GRIA2: variants seen among roughly 807,000 people sequenced by gnomAD.
GRIA2 encodes glutamate ionotropic receptor AMPA type subunit 2, also known as glutamate receptor 2.
Under a neutral mutation model 97.3 loss-of-function variants are expected in GRIA2, and 14 were observed. That is an observed-to-expected ratio of 0.14 (90% CI 0.10 to 0.23). The LOEUF is 0.23. GRIA2 is among the 10% of genes least tolerant of loss of function. The pLI, the probability that GRIA2 is intolerant of heterozygous loss-of-function variation, is 1.00. For missense variants in GRIA2, 558 were observed against 1,069.8 expected (o/e 0.52, Z 6.67); for synonymous variants, 412 against 387.8 (o/e 1.06, Z -0.73).
chr4:157,312,827 T>C lies in GRIA2; in HGVS notation c.618T>C (p.Arg206=), dbSNP rs1296697849. 6.2e-7 allele frequency: 1 copy of C among 1,612,134 alleles called. No individual in the cohort carries two copies. Among genetic ancestry groups the C allele is most frequent in the Admixed American group, 1.7e-5 (1 of 59,898 alleles). Reference sequence around the variant, plus strand: ...ATCTGGAGTTAAAAAAGGAACGGCGTGTAATTCTGGACTGTGAAAGGGATA... The same window carrying C: ...ATCTGGAGTTAAAAAAGGAACGGCGCGTAATTCTGGACTGTGAAAGGGATA... ...FQDLELKKER[R]VILDCERDKV... Residue 206 remains arginine (R), a synonymous_variant, in exon 4 of 16, where the codon CGT becomes CGC. Transcript: ENST00000264426.
intron 2 of GRIA2, among the ~76,000 whole-genome samples, chr4:157,239,459 C>G (rs1278555630): frequency 6.6e-6 from 1 of 151,936 alleles, no homozygotes; most frequent in Non-Finnish European, 1.5e-5. Context: ...AAGAACTTGC[C>G]TCTGCCAATT....
At position 157,362,947 on chromosome 4, in the gene GRIA2, C is replaced by A; in HGVS notation, c.2555C>A (p.Ala852Glu). ...EAKRMKVAKNAQNINPSSSQN... is the reference protein window; with the variant it reads ...EAKRMKVAKNEQNINPSSSQN... ...AAACGAATGAAGGTGGCAAAGAATG[C>A]ACAGAATATTAACCCATCTTCCTCG... Residue 852 changes from alanine (A) to glutamate (E), a missense_variant, in exon 15 of 16, where the codon GCA (alanine) becomes GAA (glutamate). Around this residue, in one of 8 missense-constraint regions of GRIA2, gnomAD observed 54 missense variants for 82.1 expected, o/e 0.66. Transcript: ENST00000264426. 1 of 1,613,510 alleles carries A rather than the reference C, an allele frequency of 6.2e-7. No homozygotes were observed. Among genetic ancestry groups the A allele is most frequent in the South Asian group, 1.1e-5 (1 of 91,072 alleles).
chr4:157,247,568 C>T (rs551086481), intron 2 of GRIA2, among the ~76,000 whole-genome samples: 1 of 152,084 alleles, frequency 6.6e-6, no homozygotes, highest in Non-Finnish European at 1.5e-5. Context: ...TCACATTATT[C>T]CAGGACTGAG....
rs899746766 is a variant in GRIA2, at chr4:157,237,169, C to T, written c.229+15362C>T. 4.0e-5 allele frequency among the ~76,000 whole-genome samples: 6 copies of T among 151,866 alleles called. No homozygotes were observed. The East Asian group carries it at 1.2e-3, about 29-fold the overall frequency. ...GTTTCCAGATAAATCATTGAATCAT[C>T]TGGCTTTATGTGATTAACAAAACCT... On this transcript the variant is annotated intron_variant, in intron 2 of 15. Coordinates refer to ENST00000264426, the MANE Select transcript of GRIA2 (RefSeq NM_001083619.3).
Position 157,269,285 on chromosome 4 carries a change from G to A in GRIA2, c.230-34267G>A, listed in dbSNP as rs1007711153. 3.3e-5 allele frequency among the ~76,000 whole-genome samples: 5 copies of A among 151,918 alleles called. 1 individual carries two copies. The highest frequency in any genetic ancestry group is 1.3e-4 in the Admixed American group (2 of 15,228). ...TGGAGGAAAGAGAAAGATGAAACCC[G>A]AAAACACTGGAATGACCTACCTATG... is the stretch of plus-strand genomic sequence containing the variant. On this transcript the variant is annotated intron_variant, in intron 2 of 15. Coordinates refer to ENST00000264426, the MANE Select transcript of GRIA2 (RefSeq NM_001083619.3).
chr4:157,315,671 T>C (rs994168467), intron 4 of GRIA2, among the ~76,000 whole-genome samples: 4 of 152,034 alleles, frequency 2.6e-5, no homozygotes, highest in African/African-American at 9.7e-5. Context: ...GCCTCCTGAG[T>C]AGCTGGGATT....
At chr4:157,275,767 T>A (rs1202612457) in intron 2 of GRIA2, among the ~76,000 whole-genome samples, 1 of 152,088 alleles carries the variant, frequency 6.6e-6, no homozygotes, top group East Asian at 1.9e-4. Context: ...TTTTTGTTAC[T>A]GTAGCCTTGT....
At chr4:157,221,273 GT>G in intron 1 of GRIA2, 143 bp downstream of exon 1, 2 of 634,680 alleles carry the variant, frequency 3.2e-6, no homozygotes, top group Non-Finnish European at 5.6e-6. Flanking sequence ...GAATATACAT[GT>G]TTTTCTTAGG....
chr4:157,360,254 A>T, intron 13 of GRIA2, 111 bp downstream of exon 13: 1 of 1,089,726 alleles, frequency 9.2e-7, no homozygotes, highest in Non-Finnish European at 1.3e-6. Context: ...GTAACTCACC[A>T]TCACAAAAAT....
chr4:157,323,924 T>G (rs1200041381), intron 6 of GRIA2, among the ~76,000 whole-genome samples: 4 of 152,150 alleles, frequency 2.6e-5, no homozygotes, highest in Non-Finnish European at 5.9e-5. Context: ...TCATTATGCT[T>G]CTTCACGGTG....
intron 12 of GRIA2, among the ~76,000 whole-genome samples, chr4:157,355,557 G>A (rs1274227109): frequency 7.3e-6 from 1 of 137,092 alleles, no homozygotes; most frequent in African/African-American, 2.8e-5. Flanking sequence ...GTCTTCCTTG[G>A]CTTAGCTGTA....
At chr4:157,346,215 C>A (rs1579381031) in intron 12 of GRIA2, among the ~76,000 whole-genome samples, 1 of 151,884 alleles carries the variant, frequency 6.6e-6, no homozygotes. Context: ...AAAGTAATTG[C>A]AAATAAAAAT....
chr4:157,334,320 G>A, intron 9 of GRIA2, 200 bp downstream of exon 9: 1 of 505,990 alleles, frequency 2.0e-6, no homozygotes, highest in Non-Finnish European at 3.6e-6. Flanking sequence ...TTTTCTTTAA[G>A]GAACGCTACA....
At chr4:157,301,181 A>C (rs1330045723) in intron 2 of GRIA2, among the ~76,000 whole-genome samples, 1 of 152,182 alleles carries the variant, frequency 6.6e-6, no homozygotes, top group Non-Finnish European at 1.5e-5. Flanking sequence ...TTGCTGAACA[A>C]ATTTAAGATT....
chr4:157,222,292 C>T (rs1729534748), intron 2 of GRIA2, among the ~76,000 whole-genome samples: 1 of 152,158 alleles, frequency 6.6e-6, no homozygotes, highest in Non-Finnish European at 1.5e-5. Flanking sequence ...TCGCCCGCTG[C>T]CCCCAGTTTA....
intron 12 of GRIA2, among the ~76,000 whole-genome samples, chr4:157,359,443 A>G (rs868530659): frequency 9.9e-5 from 15 of 152,170 alleles, no homozygotes; most frequent in African/African-American, 3.6e-4. Context: ...TCCACAGCGA[A>G]TAGGCATTTC....
At chr4:157,319,301 GAGA>G (rs1419357863) in intron 5 of GRIA2, among the ~76,000 whole-genome samples, 1 of 152,126 alleles carries the variant, frequency 6.6e-6, no homozygotes, top group African/African-American at 2.4e-5. Context: ...TGTACAGATG[GAGA>G]AGATTATATT....
At chr4:157,271,078 A>G (rs761286031) in intron 2 of GRIA2, among the ~76,000 whole-genome samples, 2 of 152,078 alleles carry the variant, frequency 1.3e-5, no homozygotes, top group Non-Finnish European at 2.9e-5. Flanking sequence ...ACTGGTTCAT[A>G]CTAGTAGCGT....
chr4:157,347,350 A>G (rs1368083549), intron 12 of GRIA2, among the ~76,000 whole-genome samples: 6 of 152,180 alleles, frequency 3.9e-5, no homozygotes, highest in Non-Finnish European at 8.8e-5. Flanking sequence ...GTGTCTTTTA[A>G]AGACCACTCT....
Sources: gnomAD v4.1 joint callset for allele counts (sites outside exome capture counted in the v4.1 genomes callset) on GRCh38, gnomAD v4.1.1 for gene constraint, gnomAD v4.1.1 regional missense constraint, MANE v1.5 for transcripts, NCBI Gene and HGNC (gene_info 2026-07-23, HGNC 2026-07-21) for gene names.